The following LMCD1 variants were observed in gnomAD, a reference collection of about 807,000 sequenced individuals.
The protein encoded by LMCD1 is LIM and cysteine-rich domains protein 1.
In LMCD1, 32 loss-of-function variants were observed where a neutral mutation model predicts 42.7. The ratio of observed to expected loss-of-function variants is 0.75; its 90% CI spans 0.57 to 1.01. The LOEUF (loss-of-function observed/expected upper bound fraction) is 1.01, where lower values mean the gene tolerates loss of function less well. LMCD1 is among the 50% of genes least tolerant of loss of function. The pLI is 0.00. For synonymous variants in LMCD1, 178 were observed against 184.9 expected (o/e 0.96, Z 0.30); for missense variants, 458 against 483.1 (o/e 0.95, Z 0.49).
chr3:8,505,261 C>T (rs1023960841), intron 1 of LMCD1, among the ~76,000 whole-genome samples: 5 of 152,212 alleles, frequency 3.3e-5, no homozygotes, highest in Non-Finnish European at 5.9e-5. Flanking sequence ...CTTTGACAAG[C>T]TAAGACAATG....
chr3:8,529,681 A>G (rs556819618), intron 1 of LMCD1, among the ~76,000 whole-genome samples: 65 of 152,076 alleles, frequency 4.3e-4, no homozygotes, highest in African/African-American at 1.6e-3. Flanking sequence ...CAGAGAGGCA[A>G]CTCTTTTTAC....
chr3:8,521,537 T>C (rs1382101451), intron 1 of LMCD1, among the ~76,000 whole-genome samples: 1 of 152,212 alleles, frequency 6.6e-6, no homozygotes, highest in Non-Finnish European at 1.5e-5. Context: ...GAATTGCTTA[T>C]AGCTCCTCTG....
chr3:8,541,759 C>T (rs1694631984), intron 3 of LMCD1, among the ~76,000 whole-genome samples: 1 of 152,172 alleles, frequency 6.6e-6, no homozygotes, highest in South Asian at 2.1e-4. Context: ...AGAGCAGTGC[C>T]AGGTCGTTGA....
intron 1 of LMCD1, 95 bp from the exon 2 acceptor site, chr3:8,532,642 G>A: frequency 9.9e-7 from 1 of 1,011,812 alleles, no homozygotes; most frequent in Non-Finnish European, 1.6e-6. Context: ...ACCCCACACA[G>A]TCCCTTTGCC....
In LMCD1 at chr3:8,502,270, TATATATAAA is replaced by T. The variant is rs1225134633; in HGVS notation, c.42+298_42+306del. Among the ~76,000 whole-genome samples the T allele has an allele frequency of 6.6e-4, 50 of 75,824 alleles. 1 individual carries two copies. The highest frequency in any genetic ancestry group is 1.1e-3 in the Non-Finnish European group (46 of 41,492). The allele number at this position is 75,824 out of a possible 152,430, so 49.7% of individuals were successfully genotyped here. ...ATATATATAAAATGTATATAAAATA[TATATATAAA>T]ATATATATAATATATATTATATATA... On this transcript the variant is annotated intron_variant, in intron 1 of 5. Coordinates refer to ENST00000157600, the MANE Select transcript of LMCD1 (RefSeq NM_014583.4).
At chr3:8,546,658 G>C (rs1311335352) in intron 3 of LMCD1, among the ~76,000 whole-genome samples, 2 of 149,382 alleles carry the variant, frequency 1.3e-5, no homozygotes, top group Admixed American at 6.6e-5. Flanking sequence ...AATACACTAG[G>C]AATGGTTAAG....
At chr3:8,519,454 C>T (rs73127974) in intron 1 of LMCD1, among the ~76,000 whole-genome samples, 7,055 of 152,154 alleles carry the variant, frequency 0.046, 291 homozygotes, top group African/African-American at 0.1. Context: ...TGTTTTACAT[C>T]TGAATTGTGG....
chr3:8,574,471 G>C lies in LMCD1; in HGVS notation c.*6873G>C, dbSNP rs977085157. On this transcript the variant is annotated 3_prime_UTR_variant, in exon 6 of 6. Coordinates refer to ENST00000157600, the MANE Select transcript of LMCD1 (RefSeq NM_014583.4). ...CCAAAGAATCCAAGAGACTAAGACT[G>C]TGCAGGGTTGGGGAACGGAAGCTCA... 1.3e-5 allele frequency: 2 copies of C among 152,284 alleles called. No homozygotes were observed. The highest frequency in any genetic ancestry group is 2.4e-5 in the African/African-American group (1 of 41,462). The allele number at this position is 152,284 out of a possible 1,614,324, so 9.4% of individuals were successfully genotyped here. A position where few individuals can be genotyped will look rare whatever the true frequency, so the allele number is the denominator to read the frequency against.
chr3:8,509,285 C>T (rs1693947494), intron 1 of LMCD1, among the ~76,000 whole-genome samples: 1 of 152,152 alleles, frequency 6.6e-6, no homozygotes. Context: ...ACTGCAGGAC[C>T]TTCTCTTTGT....
rs116248223 is a variant in LMCD1, at chr3:8,563,711, C to A, written c.724-1721C>A. On this transcript the variant is annotated intron_variant, in intron 4 of 5. Transcript: ENST00000157600. ...CATGGAGGGCTTGGTGACTTCCTTC[C>A]AAAGAGGATAGTATGGAAGTGGGGA... Among the ~76,000 whole-genome samples, 982 of 152,236 alleles carry A rather than the reference C, an allele frequency of 6.5e-3. 13 individuals carry two copies. The highest frequency in any genetic ancestry group is 0.051 in the Middle Eastern group (15 of 294).
chr3:8,544,870 G>C (rs1012396108), intron 3 of LMCD1, among the ~76,000 whole-genome samples: 1 of 152,190 alleles, frequency 6.6e-6, no homozygotes, highest in Non-Finnish European at 1.5e-5. Flanking sequence ...CACAGAAATG[G>C]AAAATGGTTG....
chr3:8,548,884 C>G lies in LMCD1; in HGVS notation c.704C>G (p.Pro235Arg). The G allele has an allele frequency of 6.5e-7, 1 of 1,532,386 alleles. No individual in the cohort carries two copies. 94.9% of individuals were successfully genotyped at this position (1,532,386 alleles called of 1,614,324 possible). A position where few individuals can be genotyped will look rare whatever the true frequency, so the allele number is the denominator to read the frequency against. Reference sequence around the variant, plus strand: ...ACCACCAACGGCAGTCTCAGTGACCCGTCCAAAGAAGTGGAATACGTAAGT... The same window carrying G: ...ACCACCAACGGCAGTCTCAGTGACCGGTCCAAAGAAGTGGAATACGTAAGT... ...AATTNGSLSD[P>R]SKEVEYVCEL... The change falls in exon 4 of 6, where the codon CCG becomes CGG. Residue 235 changes from proline to arginine, a missense_variant. Pro to Arg is a moderately radical substitution (Grantham distance 103). Coordinates refer to ENST00000157600, the MANE Select transcript of LMCD1 (RefSeq NM_014583.4).
intron 3 of LMCD1, among the ~76,000 whole-genome samples, chr3:8,541,355 G>A (rs1694623082): frequency 6.6e-6 from 1 of 152,068 alleles, no homozygotes; most frequent in Non-Finnish European, 1.5e-5. Context: ...TTTGAGACCA[G>A]CCTGACCAAC....
chr3:8,550,596 C>G, intron 4 of LMCD1: 2 of 985,188 alleles, frequency 2.0e-6, no homozygotes, highest in Non-Finnish European at 2.4e-6. Flanking sequence ...GACCAAAGAA[C>G]AAGATTTATT....
At chr3:8,533,962 A>C (rs1694463061) in intron 2 of LMCD1, among the ~76,000 whole-genome samples, 1 of 151,790 alleles carries the variant, frequency 6.6e-6, no homozygotes, top group East Asian at 2.0e-4. Flanking sequence ...CCTCCAACTC[A>C]GGCTTCTATC....
Position 8,532,756 on chromosome 3 carries a change from A to C in LMCD1, c.62A>C (p.Gln21Pro), listed in dbSNP as rs972165633. The change falls in exon 2 of 6, where the codon CAG becomes CCG. Residue 21 changes from glutamine (Q) to proline (P), a missense_variant. Gln to Pro is a moderately conservative substitution (Grantham distance 76, BLOSUM62 -1). Transcript: ENST00000157600. ...GVKKMSLGQL[Q>P]SARGVACLGC... Reference sequence around the variant, plus strand: ...TTCCAGATGTCCCTGGGCCAGCTGCAGTCAGCAAGAGGTGTGGCATGTTTG... The same window carrying C: ...TTCCAGATGTCCCTGGGCCAGCTGCCGTCAGCAAGAGGTGTGGCATGTTTG... 3.1e-6 allele frequency: 5 copies of C among 1,613,888 alleles called. No homozygotes were observed.
chr3:8,514,252 A>G (rs558952664), intron 1 of LMCD1, among the ~76,000 whole-genome samples: 20 of 152,352 alleles, frequency 1.3e-4, no homozygotes, highest in Non-Finnish European at 2.1e-4. Flanking sequence ...TAAATAGCTG[A>G]AAGTATAAGA....
In LMCD1 at chr3:8,501,856, C is replaced by A; in HGVS notation, c.-83C>A. On this transcript the variant is annotated 5_prime_UTR_variant, in exon 1 of 6. Transcript: ENST00000157600. ...CTCCCTCCCAGGCCCGCGAACTTGG[C>A]CATTCAGCCGCCGCTGTCCCCGCTG... 1 of 1,312,658 alleles carries A rather than the reference C, an allele frequency of 7.6e-7. No homozygotes were observed. Among genetic ancestry groups the A allele is most frequent in the Non-Finnish European group, 1.1e-6 (1 of 942,074 alleles). The allele number at this position is 1,312,658 out of a possible 1,614,324, so 81.3% of individuals were successfully genotyped here.
chr3:8,525,265 T>A (rs1366478327), intron 1 of LMCD1, among the ~76,000 whole-genome samples: 2 of 152,192 alleles, frequency 1.3e-5, no homozygotes, highest in African/African-American at 2.4e-5. Context: ...TATTTTAGAT[T>A]CCACATATAA....
Sources: allele counts gnomAD v4.1 joint callset (sites outside exome capture counted in the v4.1 genomes callset), GRCh38; gene constraint gnomAD v4.1.1; transcripts MANE v1.5; gene names NCBI Gene and HGNC (gene_info 2026-07-23, HGNC 2026-07-21).